SDK1: variants seen among roughly 807,000 people sequenced by gnomAD.
SDK1 encodes sidekick cell adhesion molecule 1.
SDK1 carries 157 observed loss-of-function variants against 245.5 expected under a neutral mutation model. That is an observed-to-expected ratio of 0.64 (90% CI 0.56 to 0.73). The LOEUF (loss-of-function observed/expected upper bound fraction) is 0.73. Among genes scored for constraint, SDK1 ranks in the 30% least tolerant of loss-of-function variants. The pLI, the probability that SDK1 is intolerant of heterozygous loss-of-function variation, is 0.00. For synonymous variants in SDK1, 1,647 were observed against 1,278.5 expected, an observed-to-expected ratio of 1.29 and a Z score of -6.15; for missense variants, 3,583 against 3,002.3, an observed-to-expected ratio of 1.19 and a Z score of -4.52.
chr7:3,715,289 T>C lies in SDK1; in HGVS notation c.713+73184T>C, dbSNP rs1350495386. Among the ~76,000 whole-genome samples, 3 of 152,236 alleles carry C rather than the reference T, an allele frequency of 2.0e-5. No individual in the cohort carries two copies. In the South Asian group the frequency reaches 6.2e-4, roughly 31 times the overall value. ...CAGACTATATATAAATTCATGTATG[T>C]ATCCACTTACCAGAAATTTTATTAA... On this transcript the variant is annotated intron_variant, in intron 4 of 44. Transcript: ENST00000404826.
intron 1 of SDK1, among the ~76,000 whole-genome samples, chr7:3,332,260 T>G (rs911182153): frequency 1.3e-5 from 2 of 152,236 alleles, no homozygotes; most frequent in Non-Finnish European, 2.9e-5. Context: ...CGATGATTAA[T>G]GTACAGGGCG....
chr7:3,396,013 T>A (rs1781887582), intron 1 of SDK1, among the ~76,000 whole-genome samples: 1 of 151,928 alleles, frequency 6.6e-6, no homozygotes, highest in South Asian at 2.1e-4. Context: ...TGGTTTAGTC[T>A]TCTGTTTTCT....
At chr7:3,412,879 A>T (rs1779252842) in intron 1 of SDK1, among the ~76,000 whole-genome samples, 1 of 152,204 alleles carries the variant, frequency 6.6e-6, no homozygotes, top group African/African-American at 2.4e-5. Flanking sequence ...CCTAATGACC[A>T]GTTGAGATTA....
chr7:3,561,445 C>G (rs901092126), intron 1 of SDK1, among the ~76,000 whole-genome samples: 1 of 152,158 alleles, frequency 6.6e-6, no homozygotes, highest in Non-Finnish European at 1.5e-5. Flanking sequence ...ACGTGTTAGA[C>G]TCCACAAGCA....
At chr7:3,578,980 A>G (rs1780396659) in intron 1 of SDK1, among the ~76,000 whole-genome samples, 2 of 152,014 alleles carry the variant, frequency 1.3e-5, no homozygotes, top group African/African-American at 4.8e-5. Flanking sequence ...AGAAATTATA[A>G]GAGTATTATT....
intron 40 of SDK1, among the ~76,000 whole-genome samples, chr7:4,224,875 C>T (rs568850687): frequency 6.7e-6 from 1 of 149,030 alleles, no homozygotes; most frequent in Non-Finnish European, 1.5e-5. Context: ...CCCAGCTACT[C>T]GGGAAGCTGA....
rs1407796677 is a variant in SDK1 at position 3,406,963 on chromosome 7, A to G, written c.298+105079A>G. 1.4e-5 allele frequency among the ~76,000 whole-genome samples: 2 copies of G among 138,610 alleles called. 1 individual carries two copies. The highest frequency in any genetic ancestry group is 3.0e-5 in the Non-Finnish European group (2 of 66,348). The allele number at this position is 138,610 out of a possible 152,430, so 90.9% of individuals were successfully genotyped here. A position where few individuals can be genotyped will look rare whatever the true frequency, so the allele number is the denominator to read the frequency against. On this transcript the variant is annotated intron_variant, in intron 1 of 44. Transcript: ENST00000404826. ...TTTTTTAGTTTTAAACTCTTTGTAG[A>G]CAAGATTGAATAAACTAGAGTGGAT...
intron 35 of SDK1, among the ~76,000 whole-genome samples, chr7:4,195,216 T>C (rs574465410): frequency 6.6e-6 from 1 of 152,310 alleles, no homozygotes; most frequent in African/African-American, 2.4e-5. Context: ...GTGAAAACAT[T>C]TAAAACCTAC....
At position 3,638,982 on chromosome 7, in the gene SDK1, A is replaced by G. The variant is rs758707955; in HGVS notation, c.459-22A>G. 3.3e-6 allele frequency: 5 copies of G among 1,498,796 alleles called. No homozygotes were observed. The African/African-American group carries it at 6.9e-5, about 21-fold the overall frequency. 92.8% of individuals were successfully genotyped at this position (1,498,796 alleles called of 1,614,324 possible). A position where few individuals can be genotyped will look rare whatever the true frequency, so the allele number is the denominator to read the frequency against. ...TGAAACACTGGATATAAGCATTAAC[A>G]CTTCTTTTTGCTATTCAACAGGTAC... On this transcript the variant is annotated intron_variant, in intron 2 of 44. Coordinates refer to ENST00000404826, the MANE Select transcript of SDK1 (RefSeq NM_152744.4).
At chr7:3,533,725 AT>A (rs1171823005) in intron 1 of SDK1, among the ~76,000 whole-genome samples, 2 of 151,954 alleles carry the variant, frequency 1.3e-5, no homozygotes, top group East Asian at 3.9e-4. Flanking sequence ...AATTTGCTGG[AT>A]TGATCTTCCT....
At chr7:3,974,039 C>T (rs1212856286) in intron 12 of SDK1, among the ~76,000 whole-genome samples, 1 of 151,488 alleles carries the variant, frequency 6.6e-6, no homozygotes, top group African/African-American at 2.4e-5. Flanking sequence ...AAAAAATTAG[C>T]CAAGCATGGT....
At chr7:3,967,026 C>G (rs2128131442) in intron 9 of SDK1, among the ~76,000 whole-genome samples, 1 of 152,314 alleles carries the variant, frequency 6.6e-6, no homozygotes, top group South Asian at 2.1e-4. Context: ...ATAAATGCCT[C>G]TCCTCTCTTT....
At chr7:3,627,121 G>T (rs1350723973) in intron 2 of SDK1, among the ~76,000 whole-genome samples, 1 of 151,978 alleles carries the variant, frequency 6.6e-6, no homozygotes, top group Non-Finnish European at 1.5e-5. Context: ...TAGACACAGG[G>T]TTTCACTATG....
chr7:3,516,767 G>A (rs567409976), intron 1 of SDK1, among the ~76,000 whole-genome samples: 31 of 152,258 alleles, frequency 2.0e-4, no homozygotes, highest in African/African-American at 7.2e-4. Flanking sequence ...GAAAGATACT[G>A]AGTATTAGAC....
rs1431116483 is a variant in SDK1, at chr7:4,129,632, T to C, written c.3940-276T>C. On this transcript the variant is annotated intron_variant, in intron 26 of 44. Transcript: ENST00000404826. The stretch of plus-strand genomic sequence containing the variant: ...GTGGCTGTGGTTGGCATGGCTGCAG[T>C]TGGGCCCTCAGATCTTGCAGATTAT... 1.2e-5 allele frequency: 16 copies of C among 1,310,684 alleles called. No homozygotes were observed. In the African/African-American group the frequency reaches 1.7e-4, roughly 14 times the overall value. 81.2% of individuals were successfully genotyped at this position (1,310,684 alleles called of 1,614,324 possible).
chr7:3,712,548 T>C (rs537529258), intron 4 of SDK1, among the ~76,000 whole-genome samples: 59 of 152,306 alleles, frequency 3.9e-4, no homozygotes, highest in Non-Finnish European at 6.0e-4. Flanking sequence ...TGTGGATAAA[T>C]TGTTTTTCAT....
chr7:3,585,654 C>T (rs562933871), intron 1 of SDK1, among the ~76,000 whole-genome samples: 23 of 152,128 alleles, frequency 1.5e-4, no homozygotes, highest in Admixed American at 1.4e-3. Context: ...ACAGAGGGGG[C>T]ATACAGCAGG....
At chr7:3,920,840 C>T (rs553728291) in intron 5 of SDK1, among the ~76,000 whole-genome samples, 49 of 152,174 alleles carry the variant, frequency 3.2e-4, no homozygotes, top group African/African-American at 9.4e-4. Flanking sequence ...AGGTTATTTA[C>T]GGGAAGATGG....
intron 4 of SDK1, among the ~76,000 whole-genome samples, chr7:3,707,271 A>G (rs980418582): frequency 6.6e-6 from 1 of 152,224 alleles, no homozygotes; most frequent in African/African-American, 2.4e-5. Context: ...TTTATTTCAA[A>G]GAATTTTTAA....
Sources: gnomAD v4.1 joint callset for allele counts (sites outside exome capture counted in the v4.1 genomes callset) on GRCh38, gnomAD v4.1.1 for gene constraint, MANE v1.5 for transcripts, NCBI Gene and HGNC (gene_info 2026-07-23, HGNC 2026-07-21) for gene names.